CLSTN2: variants seen among roughly 807,000 people sequenced by gnomAD.
CLSTN2 encodes calsyntenin-2.
CLSTN2 carries 48 observed loss-of-function variants against 101.2 expected under a neutral mutation model. The observed-to-expected ratio is 0.47, with a 90% CI of 0.38 to 0.60. CLSTN2 has a LOEUF of 0.60. Among genes scored for constraint, CLSTN2 ranks in the 20% least tolerant of loss-of-function variants. The pLI is 0.00. For missense variants in CLSTN2, 1,160 were observed against 1,238.2 expected (o/e 0.94, Z 0.95); for synonymous variants, 481 against 463.6 (o/e 1.04, Z -0.48).
At chr3:140,472,908 A>G (rs1034431015) in intron 8 of CLSTN2, among the ~76,000 whole-genome samples, 1 of 152,176 alleles carries the variant, frequency 6.6e-6, no homozygotes, top group Non-Finnish European at 1.5e-5. Context: ...GACAAGCCCC[A>G]GTCATATTCT....
chr3:140,406,057 G>C (rs956537998), intron 4 of CLSTN2, among the ~76,000 whole-genome samples: 3 of 152,208 alleles, frequency 2.0e-5, no homozygotes, highest in Non-Finnish European at 4.4e-5. Flanking sequence ...TCCAGTGGCA[G>C]CAAGGGTGAA....
chr3:140,162,829 C>T (rs1042377652), intron 1 of CLSTN2, among the ~76,000 whole-genome samples: 1 of 152,168 alleles, frequency 6.6e-6, no homozygotes, highest in Non-Finnish European at 1.5e-5. Flanking sequence ...TGTCATCCAT[C>T]GTTCTGGACA....
intron 1 of CLSTN2, among the ~76,000 whole-genome samples, chr3:140,081,131 T>C (rs1429170404): frequency 6.6e-6 from 1 of 152,222 alleles, no homozygotes; most frequent in Non-Finnish European, 1.5e-5. Context: ...TGAAGATGTG[T>C]GAGCAAGTGA....
At chr3:140,563,706 A>G (rs1443134096) in intron 15 of CLSTN2, among the ~76,000 whole-genome samples, 1 of 152,214 alleles carries the variant, frequency 6.6e-6, no homozygotes, top group African/African-American at 2.4e-5. Flanking sequence ...ATGAACACCT[A>G]TACTGTGCCT....
At chr3:140,410,385 T>G (rs2088349719) in intron 4 of CLSTN2, among the ~76,000 whole-genome samples, 1 of 139,202 alleles carries the variant, frequency 7.2e-6, no homozygotes, top group Middle Eastern at 4.0e-3. Context: ...AATAGAATTA[T>G]ATATTTAAGA....
intron 2 of CLSTN2, among the ~76,000 whole-genome samples, chr3:140,379,309 G>A (rs2087953945): frequency 6.6e-6 from 1 of 152,180 alleles, no homozygotes; most frequent in Admixed American, 6.5e-5. Context: ...ATAATGAGAG[G>A]GATGTACACC....
At chr3:140,078,749 G>A (rs2008537768) in intron 1 of CLSTN2, among the ~76,000 whole-genome samples, 1 of 152,172 alleles carries the variant, frequency 6.6e-6, no homozygotes, top group Non-Finnish European at 1.5e-5. Flanking sequence ...GGTAATGAAT[G>A]CAATCGTTTA....
At chr3:139,946,155 A>G (rs1333568113) in intron 1 of CLSTN2, among the ~76,000 whole-genome samples, 1 of 152,200 alleles carries the variant, frequency 6.6e-6, no homozygotes, top group Admixed American at 6.5e-5. Context: ...CTTAGGATGT[A>G]TGATTTATGA....
intron 1 of CLSTN2, among the ~76,000 whole-genome samples, chr3:140,005,477 C>A (rs901632124): frequency 6.6e-6 from 1 of 152,166 alleles, no homozygotes; most frequent in Non-Finnish European, 1.5e-5. Context: ...TTCGTTCACC[C>A]CCTGCCCACC....
intron 4 of CLSTN2, among the ~76,000 whole-genome samples, chr3:140,418,881 G>A (rs13099443): frequency 0.28 from 43,082 of 151,728 alleles, 6,342 homozygotes; most frequent in East Asian, 0.46. Flanking sequence ...ATCAGTCAGC[G>A]TCCAGGACAA....
chr3:139,993,415 C>T (rs1486682939), intron 1 of CLSTN2, among the ~76,000 whole-genome samples: 6 of 152,280 alleles, frequency 3.9e-5, no homozygotes, highest in Non-Finnish European at 8.8e-5. Flanking sequence ...CCTTCGTTTC[C>T]TAATACGTAC....
At chr3:140,088,474 C>T (rs1466640450) in intron 1 of CLSTN2, among the ~76,000 whole-genome samples, 2 of 152,096 alleles carry the variant, frequency 1.3e-5, no homozygotes, top group African/African-American at 4.8e-5. Context: ...TCCAGCTGAG[C>T]CACAATTTCC....
chr3:140,257,947 G>A (rs1559821296), intron 2 of CLSTN2, among the ~76,000 whole-genome samples: 3 of 152,136 alleles, frequency 2.0e-5, no homozygotes, highest in East Asian at 3.9e-4. Flanking sequence ...TTTCAGAGTT[G>A]TCATTTTGCA....
In CLSTN2 at chr3:140,246,246, C is replaced by T. The variant is rs1222559242; in HGVS notation, c.232+70173C>T. Among the ~76,000 whole-genome samples, 7 of 152,140 alleles carry T rather than the reference C, an allele frequency of 4.6e-5. No individual in the cohort carries two copies. In the East Asian group the frequency reaches 9.7e-4, roughly 21 times the overall value. On this transcript the variant is annotated intron_variant, in intron 2 of 16. Coordinates refer to ENST00000458420, the MANE Select transcript of CLSTN2 (RefSeq NM_022131.3). ...TTAAGGTGACGTTTTATTATTTTCC[C>T]CAGGAGAGTCATGAATTTTGATCTG...
At position 140,342,658 on chromosome 3, in the gene CLSTN2, G is replaced by A. The variant is rs866874103; in HGVS notation, c.233-60971G>A. On this transcript the variant is annotated intron_variant, in intron 2 of 16. Coordinates refer to ENST00000458420, the MANE Select transcript of CLSTN2 (RefSeq NM_022131.3). Reference sequence around the variant, plus strand: ...ACTTTAGAAGAAACACAGCAGGGATGATTTGCCTCTGCTCCTGATGTCTGG... The same window carrying A: ...ACTTTAGAAGAAACACAGCAGGGATAATTTGCCTCTGCTCCTGATGTCTGG... 2.0e-5 allele frequency among the ~76,000 whole-genome samples: 3 copies of A among 152,282 alleles called. No individual in the cohort carries two copies. The South Asian group carries it at 6.2e-4, about 32-fold the overall frequency.
intron 1 of CLSTN2, among the ~76,000 whole-genome samples, chr3:140,082,588 C>A (rs2008616513): frequency 6.6e-6 from 1 of 152,172 alleles, no homozygotes; most frequent in Non-Finnish European, 1.5e-5. Context: ...TAATGCTCCC[C>A]CATACACCCC....
At chr3:140,358,375 T>A (rs2087695630) in intron 2 of CLSTN2, among the ~76,000 whole-genome samples, 1 of 152,112 alleles carries the variant, frequency 6.6e-6, no homozygotes, top group South Asian at 2.1e-4. Context: ...GAACTGTCCT[T>A]TTGGGGGAAT....
At chr3:140,363,845 G>A (rs910765355) in intron 2 of CLSTN2, among the ~76,000 whole-genome samples, 1 of 152,180 alleles carries the variant, frequency 6.6e-6, no homozygotes, top group Admixed American at 6.5e-5. Flanking sequence ...TGGGGGCTAG[G>A]AGACCAAGTG....
chr3:140,151,764 T>A (rs2009870140), intron 1 of CLSTN2, among the ~76,000 whole-genome samples: 1 of 152,196 alleles, frequency 6.6e-6, no homozygotes, highest in Non-Finnish European at 1.5e-5. Context: ...TAGCTAAGTG[T>A]CCCTAAGCAT....
Sources: gnomAD v4.1 joint callset for allele counts (sites outside exome capture counted in the v4.1 genomes callset) on GRCh38, gnomAD v4.1.1 for gene constraint, MANE v1.5 for transcripts, NCBI Gene and HGNC (gene_info 2026-07-23, HGNC 2026-07-21) for gene names.